The following MEI4 variants were observed in gnomAD, a reference collection of about 807,000 sequenced individuals.
The protein encoded by MEI4 is meiotic double-stranded break formation protein 4, also known as meiosis-specific protein MEI4.
Under a neutral mutation model 31.4 loss-of-function variants are expected in MEI4, and 27 were observed. That is an observed-to-expected ratio of 0.86 (90% CI 0.63 to 1.19). The LOEUF is 1.19. Ranked by LOEUF, MEI4 falls within the 50% of genes most tolerant of loss-of-function variation. MEI4 has a pLI of 0.00. For missense variants in MEI4, 329 were observed against 398.9 expected, an observed-to-expected ratio of 0.82 and a Z score of 1.49; for synonymous variants, 122 against 145.4, an observed-to-expected ratio of 0.84 and a Z score of 1.16.
intron 1 of MEI4, among the ~76,000 whole-genome samples, chr6:77,672,654 T>G (rs1233603495): frequency 6.6e-6 from 1 of 152,170 alleles, no homozygotes; most frequent in Non-Finnish European, 1.5e-5. Context: ...ATTCTCCTAC[T>G]TCAGCCTCCT....
rs146191313 is a variant in MEI4 at position 77,677,093 on chromosome 6, A to G, written c.-14-13565A>G. On this transcript the variant is annotated intron_variant, in intron 1 of 4. Coordinates refer to ENST00000684080, the MANE Select transcript of MEI4 (RefSeq NM_001322247.2). ...ATGTTTATATTACTTCAGTCACTTT[A>G]TGCTAGAAAAGTTCTGTGAGAAATA... Among the ~76,000 whole-genome samples the G allele has an allele frequency of 3.3e-5, 5 of 152,354 alleles. No individual in the cohort carries two copies. The East Asian group carries it at 9.7e-4, about 29-fold the overall frequency.
intron 2 of MEI4, among the ~76,000 whole-genome samples, chr6:77,701,530 C>T (rs370418076): frequency 7.2e-5 from 11 of 151,970 alleles, no homozygotes; most frequent in South Asian, 4.2e-4. Flanking sequence ...TGTGCCTTTT[C>T]GCCTGCAACT....
intron 2 of MEI4, among the ~76,000 whole-genome samples, chr6:77,699,222 C>T (rs1175653501): frequency 7.1e-6 from 1 of 140,892 alleles, no homozygotes; most frequent in African/African-American, 2.7e-5. Context: ...CGGAGTCTCG[C>T]TCTGTCACCC....
At chr6:77,786,573 G>A (rs985480265) in intron 3 of MEI4, among the ~76,000 whole-genome samples, 8 of 151,870 alleles carry the variant, frequency 5.3e-5, no homozygotes, top group African/African-American at 1.7e-4. Context: ...GTAATAAGAC[G>A]GGAAAAAGAA....
intron 3 of MEI4, among the ~76,000 whole-genome samples, chr6:77,816,707 A>C (rs13217425): frequency 0.28 from 42,690 of 152,054 alleles, 6,776 homozygotes; most frequent in South Asian, 0.39. Context: ...ATCCCTGAGG[A>C]ATCGCCACAC....
intron 2 of MEI4, among the ~76,000 whole-genome samples, chr6:77,746,296 G>T (rs9448197): frequency 0.01 from 1,566 of 152,270 alleles, 28 homozygotes; most frequent in African/African-American, 0.036. Flanking sequence ...TGTGTTTTCA[G>T]ATAAGATTAT....
chr6:77,831,552 A>C (rs975776532), intron 4 of MEI4, among the ~76,000 whole-genome samples: 4 of 151,354 alleles, frequency 2.6e-5, no homozygotes, highest in Admixed American at 6.6e-5. Context: ...CTCTCTCTCT[A>C]TATATAATGG....
At chr6:77,899,132 G>A (rs1184531533) in intron 4 of MEI4, among the ~76,000 whole-genome samples, 1 of 151,944 alleles carries the variant, frequency 6.6e-6, no homozygotes, top group East Asian at 1.9e-4. Flanking sequence ...TTGATAAAGG[G>A]GAATGTGAAA....
intron 3 of MEI4, among the ~76,000 whole-genome samples, chr6:77,794,717 A>G (rs1769033291): frequency 6.6e-6 from 1 of 152,198 alleles, no homozygotes; most frequent in Non-Finnish European, 1.5e-5. Context: ...AGAAAAAAAA[A>G]ATAGGACTTG....
intron 1 of MEI4, among the ~76,000 whole-genome samples, chr6:77,681,391 G>T (rs1768954442): frequency 6.6e-6 from 1 of 152,302 alleles, no homozygotes; most frequent in East Asian, 1.9e-4. Flanking sequence ...CAATTTCAGT[G>T]TGTAAAATAC....
At chr6:77,731,956 C>T (rs1767009132) in intron 2 of MEI4, among the ~76,000 whole-genome samples, 1 of 148,186 alleles carries the variant, frequency 6.7e-6, no homozygotes, top group South Asian at 2.1e-4. Flanking sequence ...GGCATTATTT[C>T]TGAGGGCTCT....
At chr6:77,749,814 T>A (rs1235897624) in intron 2 of MEI4, among the ~76,000 whole-genome samples, 1 of 151,960 alleles carries the variant, frequency 6.6e-6, no homozygotes, top group African/African-American at 2.4e-5. Flanking sequence ...AGACACATAA[T>A]GATCAGATTC....
chr6:77,763,529 C>T (rs1247889038), intron 3 of MEI4, among the ~76,000 whole-genome samples: 1 of 152,164 alleles, frequency 6.6e-6, no homozygotes, highest in Non-Finnish European at 1.5e-5. Flanking sequence ...ACTTGTTCTT[C>T]TACTGTTGAC....
intron 4 of MEI4, among the ~76,000 whole-genome samples, chr6:77,844,994 T>C (rs9343680): frequency 0.048 from 7,287 of 152,122 alleles, 437 homozygotes; most frequent in African/African-American, 0.14. Context: ...TTTTTCACTT[T>C]CTCCCATTCA....
intron 4 of MEI4, among the ~76,000 whole-genome samples, chr6:77,867,349 A>G (rs186716386): frequency 1.4e-4 from 22 of 152,352 alleles, no homozygotes; most frequent in African/African-American, 5.3e-4. Flanking sequence ...AATATTCAGA[A>G]TCTACAATGA....
At chr6:77,777,528 C>T (rs191703526) in intron 3 of MEI4, among the ~76,000 whole-genome samples, 12 of 152,208 alleles carry the variant, frequency 7.9e-5, no homozygotes, top group African/African-American at 2.9e-4. Context: ...TAAAATTGAC[C>T]ATCCCAAGAG....
At chr6:77,697,774 C>G (rs1766090998) in intron 2 of MEI4, among the ~76,000 whole-genome samples, 1 of 152,148 alleles carries the variant, frequency 6.6e-6, no homozygotes, top group Admixed American at 6.5e-5. Flanking sequence ...CTGTAGATGT[C>G]TATTAGGTCC....
At chr6:77,769,307 T>G (rs1367564801) in intron 3 of MEI4, among the ~76,000 whole-genome samples, 2 of 152,168 alleles carry the variant, frequency 1.3e-5, no homozygotes, top group Non-Finnish European at 2.9e-5. Context: ...GGAATGTTTA[T>G]ACTAGGCCTG....
intron 2 of MEI4, among the ~76,000 whole-genome samples, chr6:77,737,730 A>T (rs12664102): frequency 0.092 from 13,976 of 152,178 alleles, 925 homozygotes; most frequent in East Asian, 0.31. Context: ...CCCAAAGGGG[A>T]ACAAGGAAAG....
Sources: gnomAD v4.1 joint callset for allele counts (sites outside exome capture counted in the v4.1 genomes callset) on GRCh38, gnomAD v4.1.1 for gene constraint, MANE v1.5 for transcripts, NCBI Gene and HGNC (gene_info 2026-07-23, HGNC 2026-07-21) for gene names.